Variants in IQANK1 observed in about 807,000 individuals in gnomAD.
The protein encoded by IQANK1 is IQ motif and ankyrin repeat containing 1, also known as IQ motif and ankyrin repeat domain-containing protein 1.
IQANK1 carries 30 observed loss-of-function variants against 22.6 expected under a neutral mutation model. The observed-to-expected ratio is 1.33, with a 90% CI of 0.99 to 1.80. IQANK1 has a LOEUF of 1.80. IQANK1 is among the 40% of genes most tolerant of loss of function. The probability of loss-of-function intolerance (pLI) is 0.00; values close to 1 mark genes in which losing one functional copy is unlikely to be tolerated. For missense variants in IQANK1, 275 were observed against 235.2 expected (o/e 1.17, Z -1.11); for synonymous variants, 122 against 99.6 (o/e 1.23, Z -1.34).
At position 143,786,937 on chromosome 8, in the gene IQANK1, G is replaced by A. The variant is rs145463654; in HGVS notation, c.790-1978G>A. 8.2e-3 allele frequency among the ~76,000 whole-genome samples: 1,242 copies of A among 152,290 alleles called. 4 individuals carry two copies. Among genetic ancestry groups the A allele is most frequent in the Non-Finnish European group, 0.013 (890 of 68,030 alleles). Reference sequence around the variant, plus strand: ...AGGCACAGAGGCTGGAGGATTTGGGGGCTGATCGAGGAATACAGGACCAGG... The same window carrying A: ...AGGCACAGAGGCTGGAGGATTTGGGAGCTGATCGAGGAATACAGGACCAGG... On this transcript the variant is annotated intron_variant, in intron 7 of 13. Transcript: ENST00000527139.
intron 3 of IQANK1, among the ~76,000 whole-genome samples, chr8:143,769,387 G>A (rs1225247586): frequency 6.6e-6 from 1 of 151,908 alleles, no homozygotes; most frequent in East Asian, 1.9e-4. Context: ...AAGAGAGACA[G>A]GGTCTCACCA....
intron 7 of IQANK1, among the ~76,000 whole-genome samples, chr8:143,772,867 GGCAGA>G (rs1819608659): frequency 1.3e-5 from 2 of 152,238 alleles, no homozygotes; most frequent in Admixed American, 1.3e-4. Flanking sequence ...TTCCAGGGTT[GGCAGA>G]GCTCACGGCG....
rs879966261 is a variant in IQANK1 at position 143,790,580 on chromosome 8, G to A, written c.1655G>A (p.Arg552His). The change falls in exon 14 of 14, where the codon CGC becomes CAC. Residue 552 changes from arginine to histidine, a missense_variant. Physicochemically the swap from Arg to His is conservative, Grantham distance 29 (BLOSUM62 0). Coordinates refer to ENST00000527139, the MANE Select transcript of IQANK1 (RefSeq NM_001381874.1). ...CAGCTGCAGGTGCTGCTCCCAGTGC[G>A]CGTGCAGCTGCCAGGCACAGGCCTC... is the stretch of plus-strand genomic sequence containing the variant. ...AEQLQVLLPV[R>H]VQLPGTGL The A allele has an allele frequency of 2.1e-4, 83 of 398,804 alleles. No homozygotes were observed. Among genetic ancestry groups the A allele is most frequent in the Non-Finnish European group, 3.4e-4 (76 of 226,134 alleles). 24.7% of individuals were successfully genotyped at this position (398,804 alleles called of 1,614,324 possible).
intron 2 of IQANK1, among the ~76,000 whole-genome samples, chr8:143,736,807 G>T (rs1401457747): frequency 7.5e-6 from 1 of 133,896 alleles, no homozygotes; most frequent in Admixed American, 7.6e-5. Context: ...CCCCAGCCCC[G>T]CCTTCACTGT....
chr8:143,739,854 C>CTAA lies in IQANK1; in HGVS notation c.86-4_86-3insAAT, dbSNP rs1255178110. On this transcript the variant is annotated splice_polypyrimidine_tract_variant and splice_region_variant and intron_variant, in intron 2 of 13. Transcript: ENST00000527139. ...CCAAGCTCACTGACGGTCGTTTTCC[C>CTAA]TTAGGGAAGCCCGGGGAGAACCGCC... The CTAA allele has an allele frequency of 1.4e-6, 1 of 693,360 alleles. No individual in the cohort carries two copies. The highest frequency in any genetic ancestry group is 2.8e-5 in the East Asian group (1 of 36,208). 43.0% of individuals were successfully genotyped at this position (693,360 alleles called of 1,614,324 possible). A position where few individuals can be genotyped will look rare whatever the true frequency, so the allele number is the denominator to read the frequency against.
intron 3 of IQANK1, among the ~76,000 whole-genome samples, chr8:143,753,720 G>A (rs1191247248): frequency 4.6e-5 from 7 of 152,142 alleles, no homozygotes; most frequent in Non-Finnish European, 2.9e-5. Context: ...CTCCCAAAAT[G>A]TTGCGATTAT....
At chr8:143,750,790 G>A (rs541083439) in intron 3 of IQANK1, among the ~76,000 whole-genome samples, 12 of 152,112 alleles carry the variant, frequency 7.9e-5, no homozygotes, top group East Asian at 1.9e-4. Flanking sequence ...CTCCAGCTTC[G>A]GTGACAGAGC....
chr8:143,767,088 C>T (rs1819494480), intron 3 of IQANK1, among the ~76,000 whole-genome samples: 1 of 152,248 alleles, frequency 6.6e-6, no homozygotes, highest in Non-Finnish European at 1.5e-5. Flanking sequence ...AAAAGCAAGT[C>T]CTCTCACCGA....
rs1205047651 is a variant in IQANK1, at chr8:143,772,339, G to C, written c.664-18G>C. ...CAGGGGCAAGGCCTGGATCTTGCTC[G>C]GGGGGCCCGTCTTGCAGGGCGCTTT... On this transcript the variant is annotated intron_variant, in intron 6 of 13. Coordinates refer to ENST00000527139, the MANE Select transcript of IQANK1 (RefSeq NM_001381874.1). The C allele has an allele frequency of 1.5e-5, 6 of 398,804 alleles. No homozygotes were observed. In the Admixed American group the frequency reaches 1.8e-4, roughly 12 times the overall value. 24.7% of individuals were successfully genotyped at this position (398,804 alleles called of 1,614,324 possible). A position where few individuals can be genotyped will look rare whatever the true frequency, so the allele number is the denominator to read the frequency against.
In IQANK1 at chr8:143,771,352, C is replaced by G. The variant is rs1046412958; in HGVS notation, c.176-136C>G. 5.3e-6 allele frequency: 2 copies of G among 378,328 alleles called. No individual in the cohort carries two copies. The highest frequency in any genetic ancestry group is 2.3e-5 in the African/African-American group (1 of 43,444). The allele number at this position is 378,328 out of a possible 1,614,324, so 23.4% of individuals were successfully genotyped here. A position where few individuals can be genotyped will look rare whatever the true frequency, so the allele number is the denominator to read the frequency against. ...CTGCGGGCGGGAACCCCGGCTCGGC[C>G]GCGCTGGGGGCTTTGAGAGCCGTTT... On this transcript the variant is annotated intron_variant, in intron 3 of 13. Transcript: ENST00000527139. The surrounding 1 kb of genome is among the most constrained non-coding windows in gnomAD (Gnocchi z 6.0).
rs1819581091 is a variant in IQANK1 at position 143,771,840 on chromosome 8, C to G, written c.346C>G (p.Arg116Gly). 5 of 395,296 alleles carry G rather than the reference C, an allele frequency of 1.3e-5. No individual in the cohort carries two copies. The Admixed American group carries it at 2.2e-4, about 18-fold the overall frequency. 24.5% of individuals were successfully genotyped at this position (395,296 alleles called of 1,614,324 possible). ...APVRREQEAARRLREQEEAAQ... is the reference protein window; with the variant it reads ...APVRREQEAAGRLREQEEAAQ... ...GGTGCGCCGGGAGCAGGAGGCCGCG[C>G]GGCGGCTGCGCGAGCAGGAGGAGGC... The change falls in exon 5 of 14, where the codon CGG (arginine) becomes GGG (glycine). Residue 116 changes from arginine (R) to glycine (G), a missense_variant. Arg to Gly is a moderately radical substitution (Grantham distance 125). Transcript: ENST00000527139. This position sits in a 1 kb window ranked among gnomAD's most constrained non-coding sequence, Gnocchi z 6.0.
At chr8:143,761,061 C>G (rs1019925618) in intron 3 of IQANK1, among the ~76,000 whole-genome samples, 1 of 152,224 alleles carries the variant, frequency 6.6e-6, no homozygotes, top group African/African-American at 2.4e-5. Context: ...CATCCTGAAC[C>G]AGGGCGTCAA....
chr8:143,757,496 C>A (rs1011031662), intron 3 of IQANK1, among the ~76,000 whole-genome samples: 1 of 151,970 alleles, frequency 6.6e-6, no homozygotes, highest in Non-Finnish European at 1.5e-5. Context: ...GCCACCACGC[C>A]CAGCTAATTT....
At chr8:143,789,377 G>A in intron 9 of IQANK1, 59 bp from the exon 10 acceptor site, 1 of 956,882 alleles carries the variant, frequency 1.0e-6, no homozygotes, top group East Asian at 3.3e-5. Flanking sequence ...TGGGCCAGGA[G>A]TGACCTGGTC....
chr8:143,750,198 A>G (rs1554627887), intron 3 of IQANK1, among the ~76,000 whole-genome samples: 3 of 151,290 alleles, frequency 2.0e-5, no homozygotes, highest in Non-Finnish European at 4.4e-5. Flanking sequence ...AGGTTTCTCC[A>G]TGTTGGTCAG....
chr8:143,734,831 C>G (rs564560450), intron 1 of IQANK1, among the ~76,000 whole-genome samples: 1 of 151,782 alleles, frequency 6.6e-6, no homozygotes, highest in Non-Finnish European at 1.5e-5. Context: ...CAGACGCCCC[C>G]CCATGTACAC....
chr8:143,736,406 A>G (rs1352811240), intron 2 of IQANK1, among the ~76,000 whole-genome samples: 3 of 152,138 alleles, frequency 2.0e-5, no homozygotes, highest in Non-Finnish European at 4.4e-5. Flanking sequence ...CGGCCTCTCA[A>G]AGTGCTGGGA....
intron 7 of IQANK1, 94 bp from the exon 8 acceptor site, chr8:143,788,821 C>T (rs1312026675): frequency 1.3e-5 from 5 of 398,170 alleles, no homozygotes; most frequent in Non-Finnish European, 2.2e-5. Flanking sequence ...CATAATGGCA[C>T]CCTTTCTCCC....
At chr8:143,736,911 G>A (rs1157597986) in intron 2 of IQANK1, among the ~76,000 whole-genome samples, 1 of 151,990 alleles carries the variant, frequency 6.6e-6, no homozygotes, top group Non-Finnish European at 1.5e-5. Context: ...ACCCAGGCCT[G>A]CACTGGGGTC....
Sources: gnomAD v4.1 joint callset for allele counts (sites outside exome capture counted in the v4.1 genomes callset) on GRCh38, gnomAD v4.1.1 for gene constraint, Gnocchi (gnomAD v3.1) non-coding constraint, MANE v1.5 for transcripts, NCBI Gene and HGNC (gene_info 2026-07-23, HGNC 2026-07-21) for gene names.